The following PALLD variants were observed in gnomAD, a reference collection of about 807,000 sequenced individuals.
The protein encoded by PALLD is palladin.
In PALLD, 61 loss-of-function variants were observed where a neutral mutation model predicts 123.5. That is an observed-to-expected ratio of 0.49 (90% CI 0.40 to 0.61). The LOEUF (loss-of-function observed/expected upper bound fraction) is 0.61. PALLD is among the 20% of genes least tolerant of loss of function. PALLD has a pLI of 0.00. For missense variants in PALLD, 1,273 were observed against 1,377.0 expected, an observed-to-expected ratio of 0.92 and a Z score of 1.20; for synonymous variants, 465 against 496.4, an observed-to-expected ratio of 0.94 and a Z score of 0.84.
At chr4:168,619,138 G>A (rs1774506186) in intron 2 of PALLD, among the ~76,000 whole-genome samples, 1 of 152,204 alleles carries the variant, frequency 6.6e-6, no homozygotes, top group Admixed American at 6.5e-5. Context: ...CTTTCAGCAG[G>A]AGATCCACTT....
intron 2 of PALLD, among the ~76,000 whole-genome samples, chr4:168,531,317 A>AC (rs1274251358): frequency 6.6e-6 from 1 of 152,186 alleles, no homozygotes; most frequent in Non-Finnish European, 1.5e-5. Flanking sequence ...GGATGGTTAG[A>AC]CCCAGAACCT....
At chr4:168,916,684 C>CTTTTT (rs545906704) in intron 17 of PALLD, among the ~76,000 whole-genome samples, 5 of 136,436 alleles carry the variant, frequency 3.7e-5, no homozygotes, top group Admixed American at 7.6e-5. Flanking sequence ...TTTTCTAATT[C>CTTTTT]TTTTTTTTTT....
At chr4:168,853,873 T>C (rs1748177794) in intron 10 of PALLD, among the ~76,000 whole-genome samples, 1 of 152,096 alleles carries the variant, frequency 6.6e-6, no homozygotes, top group Non-Finnish European at 1.5e-5. Context: ...AAGGCAGGAC[T>C]CATGATGGTT....
intron 10 of PALLD, among the ~76,000 whole-genome samples, chr4:168,726,398 T>A (rs1230625033): frequency 6.6e-6 from 1 of 152,216 alleles, no homozygotes; most frequent in Non-Finnish European, 1.5e-5. Context: ...TTTTCTTTTT[T>A]ATGAAGTGTT....
intron 10 of PALLD, among the ~76,000 whole-genome samples, chr4:168,824,035 C>T (rs10007150): frequency 0.028 from 4,271 of 152,276 alleles, 205 homozygotes; most frequent in African/African-American, 0.098. Context: ...AATGTTGCCA[C>T]CTATAAGCTA....
In PALLD at chr4:168,668,272, A is replaced by G. The variant is rs1225031648; in HGVS notation, c.991A>G (p.Ile331Val). ...GGGAGGGGACCTCCATACCCTGATC[A>G]TAGCAGAGGCCTTTGAGGACGACAC... ...CEGGDLHTLI[I>V]AEAFEDDTGR... The change falls in exon 3 of 22, where the codon ATA (isoleucine) becomes GTA (valine). Residue 331 changes from isoleucine (I) to valine (V), a missense_variant. Around this residue, in one of 2 missense-constraint regions of PALLD, gnomAD observed 944 missense variants for 954.5 expected, o/e 0.99. Coordinates refer to ENST00000505667, the MANE Select transcript of PALLD (RefSeq NM_001166108.2). The G allele has an allele frequency of 1.2e-6, 2 of 1,614,070 alleles. No individual in the cohort carries two copies. The highest frequency in any genetic ancestry group is 1.7e-6 in the Non-Finnish European group (2 of 1,179,998).
rs146314961 is a variant in PALLD at position 168,904,799 on chromosome 4, T to C, written c.2622+893T>C. On this transcript the variant is annotated intron_variant, in intron 15 of 21. Transcript: ENST00000505667. Reference sequence around the variant, plus strand: ...AGAAAATATTTAGCATTAGAAACTATATAAATAATTTTAATGACACTACAA... The same window carrying C: ...AGAAAATATTTAGCATTAGAAACTACATAAATAATTTTAATGACACTACAA... Among the ~76,000 whole-genome samples the C allele has an allele frequency of 8.7e-4, 133 of 152,274 alleles. 1 individual carries two copies. Among genetic ancestry groups the C allele is most frequent in the African/African-American group, 2.9e-3 (121 of 41,564 alleles).
chr4:168,664,003 T>C (rs1019461907), intron 2 of PALLD, among the ~76,000 whole-genome samples: 5 of 152,230 alleles, frequency 3.3e-5, no homozygotes, highest in African/African-American at 1.2e-4. Flanking sequence ...CTCTAATAGA[T>C]TTGTAAAATG....
chr4:168,548,509 A>G (rs942931368), intron 2 of PALLD, among the ~76,000 whole-genome samples: 3 of 152,178 alleles, frequency 2.0e-5, no homozygotes, highest in Non-Finnish European at 4.4e-5. Flanking sequence ...ATCTAAAGAG[A>G]TTCCCCAAGG....
intron 2 of PALLD, among the ~76,000 whole-genome samples, chr4:168,628,699 C>T (rs1409758795): frequency 6.6e-6 from 1 of 152,192 alleles, no homozygotes; most frequent in East Asian, 1.9e-4. Context: ...TCCCCAACCC[C>T]CATTATCTTG....
chr4:168,555,823 AT>A (rs1331798111), intron 2 of PALLD, among the ~76,000 whole-genome samples: 2 of 152,176 alleles, frequency 1.3e-5, no homozygotes, highest in Non-Finnish European at 2.9e-5. Context: ...TTATTAATAA[AT>A]TATTCAAAAG....
chr4:168,613,712 G>A (rs1773950155), intron 2 of PALLD, among the ~76,000 whole-genome samples: 1 of 152,160 alleles, frequency 6.6e-6, no homozygotes, highest in Non-Finnish European at 1.5e-5. Context: ...GAACCTCTGG[G>A]ATTACCCCAA....
intron 2 of PALLD, among the ~76,000 whole-genome samples, chr4:168,655,767 C>T (rs567968004): frequency 5.9e-5 from 9 of 152,222 alleles, no homozygotes; most frequent in South Asian, 2.1e-4. Flanking sequence ...CTAATGAACT[C>T]GGGGAAATTT....
chr4:168,636,669 G>C (rs1053502817), intron 2 of PALLD, among the ~76,000 whole-genome samples: 1 of 152,174 alleles, frequency 6.6e-6, no homozygotes, highest in Non-Finnish European at 1.5e-5. Context: ...TGAATCACTG[G>C]CTGGAAGGGA....
intron 2 of PALLD, among the ~76,000 whole-genome samples, chr4:168,573,411 T>C (rs953637386): frequency 2.0e-5 from 3 of 152,140 alleles, no homozygotes; most frequent in African/African-American, 7.2e-5. Flanking sequence ...TTTAGTTCCT[T>C]ATCAGCTGAG....
At chr4:168,824,282 T>A (rs991447184) in intron 10 of PALLD, among the ~76,000 whole-genome samples, 2 of 152,196 alleles carry the variant, frequency 1.3e-5, no homozygotes, top group African/African-American at 4.8e-5. Flanking sequence ...TTTATTTTTT[T>A]ATTTTTTTAC....
chr4:168,547,339 G>A (rs145468837), intron 2 of PALLD, among the ~76,000 whole-genome samples: 157 of 151,866 alleles, frequency 1.0e-3, no homozygotes, highest in African/African-American at 3.6e-3. Context: ...GGAGTGTGTG[G>A]GAGTGTGTGT....
chr4:168,847,625 C>A (rs911446806), intron 10 of PALLD, among the ~76,000 whole-genome samples: 1 of 152,248 alleles, frequency 6.6e-6, no homozygotes, highest in Non-Finnish European at 1.5e-5. Context: ...GTGGGAAATT[C>A]TTTACATTTA....
In PALLD at chr4:168,598,647, C is replaced by G. The variant is rs930996353; in HGVS notation, c.909-69543C>G. ...ATATTATTCACAGCCAGTTTAGTTA[C>G]GGAACTCTGAAGCTTTCTGTCATCT... On this transcript the variant is annotated intron_variant, in intron 2 of 21. Transcript: ENST00000505667. 3 of 324,404 alleles carry G rather than the reference C, an allele frequency of 9.2e-6. No individual in the cohort carries two copies. The East Asian group carries it at 2.9e-4, about 31-fold the overall frequency. 20.1% of individuals were successfully genotyped at this position (324,404 alleles called of 1,614,324 possible). A position where few individuals can be genotyped will look rare whatever the true frequency, so the allele number is the denominator to read the frequency against.
Sources: allele counts gnomAD v4.1 joint callset (sites outside exome capture counted in the v4.1 genomes callset), GRCh38; gene constraint gnomAD v4.1.1; regional missense constraint gnomAD v4.1.1; transcripts MANE v1.5; gene names NCBI Gene and HGNC (gene_info 2026-07-23, HGNC 2026-07-21).